The following NOM1 variants were observed in gnomAD, a reference collection of about 807,000 sequenced individuals.
NOM1 encodes nucleolar protein with MIF4G domain 1, also known as nucleolar MIF4G domain-containing protein 1.
Under a neutral mutation model 73.3 loss-of-function variants are expected in NOM1, and 58 were observed. The observed-to-expected ratio is 0.79, with a 90% CI of 0.64 to 0.99. The LOEUF (loss-of-function observed/expected upper bound fraction) is 0.99, where lower values mean the gene tolerates loss of function less well. Ranked by LOEUF, NOM1 falls within the 50% of genes least tolerant of loss-of-function variation. The pLI, the probability that NOM1 is intolerant of heterozygous loss-of-function variation, is 0.00. For synonymous variants in NOM1, 487 were observed against 446.8 expected, an observed-to-expected ratio of 1.09 and a Z score of -1.14; for missense variants, 1,226 against 1,131.9, an observed-to-expected ratio of 1.08 and a Z score of -1.19.
rs752543463 is a variant in NOM1 at position 156,950,204 on chromosome 7, C to T, written c.467C>T (p.Ala156Val). The T allele has an allele frequency of 1.9e-6, 3 of 1,610,110 alleles. No homozygotes were observed. The highest frequency in any genetic ancestry group is 1.7e-6 in the Non-Finnish European group (2 of 1,179,552). Reference protein sequence around the residue: ...PSRVKAKATAATAKTRPSAAA... With the variant: ...PSRVKAKATAVTAKTRPSAAA... ...CGGGTCAAGGCCAAGGCCACGGCCG[C>T]CACCGCAAAGACCAGACCCTCCGCA... Residue 156 changes from alanine to valine, a missense_variant, in exon 1 of 11, where the codon GCC becomes GTC. Coordinates refer to ENST00000275820, the MANE Select transcript of NOM1 (RefSeq NM_138400.2).
At chr7:156,951,095 C>T (rs560715041) in intron 1 of NOM1, among the ~76,000 whole-genome samples, 1 of 152,140 alleles carries the variant, frequency 6.6e-6, no homozygotes, top group African/African-American at 2.4e-5. Flanking sequence ...AGTGAATTTT[C>T]TAAAACTCGA....
chr7:156,960,804 G>A (rs1307794222), intron 4 of NOM1, among the ~76,000 whole-genome samples: 1 of 152,226 alleles, frequency 6.6e-6, no homozygotes, highest in African/African-American at 2.4e-5. Flanking sequence ...CTCCAAGGCA[G>A]AAAGAGGCAT....
rs1011562136 is a variant in NOM1 at position 156,965,838 on chromosome 7, G to A, written c.2034-432G>A. Among the ~76,000 whole-genome samples, 12 of 152,134 alleles carry A rather than the reference G, an allele frequency of 7.9e-5. No homozygotes were observed. In the East Asian group the frequency reaches 1.2e-3, roughly 15 times the overall value. On this transcript the variant is annotated intron_variant, in intron 7 of 10. Transcript: ENST00000275820. Reference sequence around the variant, plus strand: ...CTGAGGTACAAGAATCACTTGAACCGGAGAGATGGAGGTTGTAGTGAGCTG... The same window carrying A: ...CTGAGGTACAAGAATCACTTGAACCAGAGAGATGGAGGTTGTAGTGAGCTG...
chr7:156,954,029 T>A, intron 2 of NOM1, 74 bp from the exon 3 acceptor site: 1 of 1,339,212 alleles, frequency 7.5e-7, no homozygotes, highest in Non-Finnish European at 1.0e-6. Context: ...GGATAACTCT[T>A]TAATTTTTTA....
chr7:156,959,488 C>T (rs1381841786), intron 3 of NOM1, among the ~76,000 whole-genome samples: 1 of 152,204 alleles, frequency 6.6e-6, no homozygotes, highest in African/African-American at 2.4e-5. Flanking sequence ...GTGATCCACC[C>T]ACCTCCGCCT....
At position 156,949,745 on chromosome 7, in the gene NOM1, C is replaced by T. The variant is rs1445084950; in HGVS notation, c.8C>T (p.Ala3Val). Residue 3 changes from alanine to valine, a missense_variant, in exon 1 of 11, where the codon GCG becomes GTG. Physicochemically the swap from Ala to Val is moderately conservative, Grantham distance 64. Coordinates refer to ENST00000275820, the MANE Select transcript of NOM1 (RefSeq NM_138400.2). ...GTCCACGCGTTTCGAAAGATGGCGG[C>T]GTCCAGGAGCGCGGGAGAGGCCGGC... MA[A>V]SRSAGEAGPG... 2.2e-6 allele frequency: 3 copies of T among 1,358,454 alleles called. No individual in the cohort carries two copies. The highest frequency in any genetic ancestry group is 1.5e-5 in the African/African-American group (1 of 65,792). 84.2% of individuals were successfully genotyped at this position (1,358,454 alleles called of 1,614,324 possible).
chr7:156,954,908 G>T (rs1804684857), intron 3 of NOM1, among the ~76,000 whole-genome samples: 1 of 152,172 alleles, frequency 6.6e-6, no homozygotes, highest in Non-Finnish European at 1.5e-5. Flanking sequence ...CCTTAACACT[G>T]ATTTATTTCA....
At chr7:156,966,233 C>G in intron 7 of NOM1, 37 bp from the exon 8 acceptor site, 1 of 1,609,364 alleles carries the variant, frequency 6.2e-7, no homozygotes, top group Non-Finnish European at 8.5e-7. Context: ...CTTTGGAAGT[C>G]GAGTGATGTT....
rs1257077689 is a variant in NOM1 at position 156,949,784 on chromosome 7, A to G, written c.47A>G (p.Gln16Arg). The change falls in exon 1 of 11, where the codon CAG becomes CGG. Residue 16 changes from glutamine (Q) to arginine (R), a missense_variant. Physicochemically the swap from Gln to Arg is conservative, Grantham distance 43 (BLOSUM62 1). Coordinates refer to ENST00000275820, the MANE Select transcript of NOM1 (RefSeq NM_138400.2). ...GGAGAGGCCGGCCCGGGCGGCTCCC[A>G]GGGACGCGTGGTCCGCATGAAGCGC... The part of the protein sequence containing the change: ...SAGEAGPGGS[Q>R]GRVVRMKRRG... The G allele has an allele frequency of 3.5e-6, 5 of 1,409,066 alleles. No homozygotes were observed. The highest frequency in any genetic ancestry group is 3.7e-6 in the Non-Finnish European group (4 of 1,086,630). 87.3% of individuals were successfully genotyped at this position (1,409,066 alleles called of 1,614,324 possible).
rs1178234893 is a variant in NOM1, at chr7:156,950,426, GC to G, written c.690del (p.Leu231CysfsTer21). 20 of 1,614,104 alleles carry G rather than the reference GC, an allele frequency of 1.2e-5. No individual in the cohort carries two copies. The highest frequency in any genetic ancestry group is 1.6e-5 in the Non-Finnish European group (19 of 1,180,040). Reference sequence around the variant, plus strand: ...GCCCTGGAGTCTGGGAAAAATAGCGGCTTGTACGACAGCAGTGGTGAGGAGG... The same window carrying G: ...GCCCTGGAGTCTGGGAAAAATAGCGGTTGTACGACAGCAGTGGTGAGGAGG... The part of the protein sequence containing the change: ...LGALESGKNS[G>X]LYDSSGEEEE... On this transcript the variant is annotated frameshift_variant, in exon 1 of 11. Transcript: ENST00000275820. LOFTEE classifies it high-confidence loss of function.
At chr7:156,964,381 G>C (rs1259747169) in intron 7 of NOM1, 2 of 158,882 alleles carry the variant, frequency 1.3e-5, no homozygotes, top group Non-Finnish European at 2.8e-5. Context: ...GTCACGAATT[G>C]CTTAAAAATA....
Position 156,949,788 on chromosome 7 carries a change from A to G in NOM1, c.51A>G (p.Gly17=), listed in dbSNP as rs1804522882. Reference sequence around the variant, plus strand: ...AGGCCGGCCCGGGCGGCTCCCAGGGACGCGTGGTCCGCATGAAGCGCAGAG... The same window carrying G: ...AGGCCGGCCCGGGCGGCTCCCAGGGGCGCGTGGTCCGCATGAAGCGCAGAG... The part of the protein sequence containing the change: ...AGEAGPGGSQ[G]RVVRMKRRGG... The change falls in exon 1 of 11, where the codon GGA becomes GGG. Residue 17 remains glycine (G), a synonymous_variant. Transcript: ENST00000275820. 9 of 1,401,498 alleles carry G rather than the reference A, an allele frequency of 6.4e-6. No individual in the cohort carries two copies. Among genetic ancestry groups the G allele is most frequent in the Non-Finnish European group, 8.3e-6 (9 of 1,082,314 alleles). The allele number at this position is 1,401,498 out of a possible 1,614,324, so 86.8% of individuals were successfully genotyped here.
At position 156,969,877 on chromosome 7, in the gene NOM1, C is replaced by A; in HGVS notation, c.*174C>A. The stretch of plus-strand genomic sequence containing the variant: ...AGGTTTTATTGTTTGTATTTCAAGC[C>A]ATTTTCAAATAACTATCTTGGGGGT... On this transcript the variant is annotated 3_prime_UTR_variant, in exon 11 of 11. Transcript: ENST00000275820. 2 of 562,434 alleles carry A rather than the reference C, an allele frequency of 3.6e-6. No individual in the cohort carries two copies. Among genetic ancestry groups the A allele is most frequent in the Non-Finnish European group, 5.6e-6 (2 of 354,012 alleles). 34.8% of individuals were successfully genotyped at this position (562,434 alleles called of 1,614,324 possible). A position where few individuals can be genotyped will look rare whatever the true frequency, so the allele number is the denominator to read the frequency against.
intron 9 of NOM1, 44 bp from the exon 10 acceptor site, chr7:156,969,043 C>T (rs201961818): frequency 4.5e-5 from 49 of 1,079,376 alleles, no homozygotes; most frequent in Non-Finnish European, 7.0e-5. Context: ...AAAAAGTTGG[C>T]TAAATCAGTG....
At chr7:156,962,324 T>C (rs1417668143) in intron 5 of NOM1, 63 bp downstream of exon 5, 1 of 1,343,652 alleles carries the variant, frequency 7.4e-7, no homozygotes, top group Admixed American at 1.7e-5. Context: ...GAGCCTGTCA[T>C]GAAAATCAAG....
intron 8 of NOM1, among the ~76,000 whole-genome samples, 195 bp from the exon 9 acceptor site, chr7:156,966,765 AC>A: frequency 6.6e-6 from 1 of 152,216 alleles, no homozygotes; most frequent in Non-Finnish European, 1.5e-5. Flanking sequence ...GAAGAACTGC[AC>A]CAGAAGGAGA....
chr7:156,969,586 C>T lies in NOM1; in HGVS notation c.2466C>T (p.Ser822=), dbSNP rs765801291. 6.2e-7 allele frequency: 1 copy of T among 1,614,034 alleles called. No homozygotes were observed. Among genetic ancestry groups the T allele is most frequent in the East Asian group, 2.2e-5 (1 of 44,860 alleles). The stretch of plus-strand genomic sequence containing the variant: ...GTGAGGGTTTGAAGCTTTTCATCAG[C>T]CACTTCTTGCTAAAGAACGCACAGG... ...VLREGLKLFI[S]HFLLKNAQAH... is the part of the protein sequence containing the mutation. The change falls in exon 11 of 11, where the codon AGC becomes AGT. Residue 822 remains serine, a synonymous_variant. Coordinates refer to ENST00000275820, the MANE Select transcript of NOM1 (RefSeq NM_138400.2).
chr7:156,960,016 G>A lies in NOM1; in HGVS notation c.1474G>A (p.Gly492Arg). 2 of 1,614,100 alleles carry A rather than the reference G, an allele frequency of 1.2e-6. No individual in the cohort carries two copies. Among genetic ancestry groups the A allele is most frequent in the Non-Finnish European group, 1.7e-6 (2 of 1,180,034 alleles). Residue 492 changes from glycine (G) to arginine (R), a missense_variant, in exon 4 of 11, where the codon GGA becomes AGA. Transcript: ENST00000275820. ...LIFDILKKLIGTFTEKDIELI... is the reference protein window; with the variant it reads ...LIFDILKKLIRTFTEKDIELI... ...CTTCGACATTTTGAAAAAACTGATTGGAACTTTCACCGAAAAAGATATTGA... is the reference window on the plus strand; with the variant it reads ...CTTCGACATTTTGAAAAAACTGATTAGAACTTTCACCGAAAAAGATATTGA...
chr7:156,968,949 C>T (rs1046562040), intron 9 of NOM1, 138 bp from the exon 10 acceptor site: 11 of 624,458 alleles, frequency 1.8e-5, no homozygotes, highest in Non-Finnish European at 3.2e-5. Flanking sequence ...TTTCTTAGCT[C>T]TGGAAATAGC....
Sources: allele counts gnomAD v4.1 joint callset (sites outside exome capture counted in the v4.1 genomes callset), GRCh38; gene constraint gnomAD v4.1.1; transcripts MANE v1.5; gene names NCBI Gene and HGNC (gene_info 2026-07-23, HGNC 2026-07-21).